Variants in PRMT1 observed in about 807,000 individuals in gnomAD.
PRMT1 encodes protein arginine methyltransferase 1.
A neutral mutation model predicts 47.4 loss-of-function variants in PRMT1; 5 were observed. That is an observed-to-expected ratio of 0.11 (90% CI 0.06 to 0.22). The LOEUF is 0.22. Among genes scored for constraint, PRMT1 ranks in the 10% least tolerant of loss-of-function variants. The pLI is 1.00. For missense variants in PRMT1, 249 were observed against 518.4 expected, an observed-to-expected ratio of 0.48 and a Z score of 5.05; for synonymous variants, 227 against 204.6, an observed-to-expected ratio of 1.11 and a Z score of -0.94.
intron 5 of PRMT1, 105 bp from the exon 6 acceptor site, chr19:49,683,822 A>G (rs7260179): frequency 0.34 from 431,362 of 1,278,112 alleles, 74,987 homozygotes; most frequent in Middle Eastern, 0.49. Flanking sequence ...CTGCTCACGC[A>G]GTTCTCTGAA....
In PRMT1 at chr19:49,685,151, T is replaced by C; in HGVS notation, c.759+114T>C. 1 of 1,562,846 alleles carries C rather than the reference T, an allele frequency of 6.4e-7. No individual in the cohort carries two copies. The highest frequency in any genetic ancestry group is 8.7e-7 in the Non-Finnish European group (1 of 1,154,550). ...AATGTTGGCCTGAGGTCTCAGAGCC[T>C]GATCTGCCAGCCAGAGGTGGTGCTA... On this transcript the variant is annotated intron_variant, in intron 8 of 10. Transcript: ENST00000454376. This position sits in a 1 kb window ranked among gnomAD's most constrained non-coding sequence, Gnocchi z 4.7.
Position 49,684,206 on chromosome 19 carries a change from G to T in PRMT1, c.555+137G>T, listed in dbSNP as rs1028440317. On this transcript the variant is annotated intron_variant, in intron 6 of 10. Transcript: ENST00000454376. This position sits in a 1 kb window ranked among gnomAD's most constrained non-coding sequence, Gnocchi z 6.2. The stretch of plus-strand genomic sequence containing the variant: ...AAGGTGTTAGAAAGCCACAGCCCAA[G>T]CCAGGTGTGACAGACCCTGGAGGGA... 1.3e-5 allele frequency: 16 copies of T among 1,263,034 alleles called. No individual in the cohort carries two copies. The African/African-American group carries it at 2.2e-4, about 18-fold the overall frequency. The allele number at this position is 1,263,034 out of a possible 1,614,324, so 78.2% of individuals were successfully genotyped here.
intron 1 of PRMT1, 181 bp from the exon 2 acceptor site, chr19:49,679,691 C>T (rs2082086771): frequency 3.0e-6 from 2 of 672,066 alleles, no homozygotes; most frequent in African/African-American, 1.8e-5. Context: ...TTCTTCTCCC[C>T]TCACTTTTCC....
At chr19:49,677,223 G>A (rs1241996647), upstream of PRMT1, 4 of 1,396,638 alleles carry the variant, frequency 2.9e-6, no homozygotes, top group African/African-American at 1.5e-5. Flanking sequence ...GCGGTCCCGG[G>A]GGAGTGAGGA....
At chr19:49,686,344 G>A in intron 9 of PRMT1, 101 bp downstream of exon 9, 1 of 1,429,530 alleles carries the variant, frequency 7.0e-7, no homozygotes, top group Middle Eastern at 2.3e-4. Context: ...GGAACCATGG[G>A]GACACGCGTG....
At position 49,684,587 on chromosome 19, in the gene PRMT1, TG is replaced by T. The variant is rs1032694066; in HGVS notation, c.556-164del. Among the ~76,000 whole-genome samples, 1 of 152,010 alleles carries T rather than the reference TG, an allele frequency of 6.6e-6. No homozygotes were observed. Among genetic ancestry groups the T allele is most frequent in the Non-Finnish European group, 1.5e-5 (1 of 67,970 alleles). On this transcript the variant is annotated intron_variant, in intron 6 of 10. Transcript: ENST00000454376. The surrounding 1 kb of genome is among the most constrained non-coding windows in gnomAD (Gnocchi z 6.2). ...GGCCGGGAGCTGACTGGGGTGCCCCTGGGTGCCCTCTGGCGGCCGTGTGGGA... is the reference window on the plus strand; with the variant it reads ...GGCCGGGAGCTGACTGGGGTGCCCCTGGTGCCCTCTGGCGGCCGTGTGGGA...
At position 49,685,055 on chromosome 19, in the gene PRMT1, G is replaced by C; in HGVS notation, c.759+18G>C. 2 of 1,614,082 alleles carry C rather than the reference G, an allele frequency of 1.2e-6. No individual in the cohort carries two copies. Among genetic ancestry groups the C allele is most frequent in the Non-Finnish European group, 1.7e-6 (2 of 1,179,976 alleles). ...TCATAAAGGTGAGGGGGTGGGCATG[G>C]CCAGGTGCCCCCTGGGTTGAAACCA... On this transcript the variant is annotated intron_variant, in intron 8 of 10. Transcript: ENST00000454376. This position sits in a 1 kb window ranked among gnomAD's most constrained non-coding sequence, Gnocchi z 4.7.
At position 49,686,740 on chromosome 19, in the gene PRMT1, C is replaced by T. The variant is rs780845849; in HGVS notation, c.1032+14C>T. On this transcript the variant is annotated intron_variant, in intron 10 of 10. Transcript: ENST00000454376. ...GCCAAGAACAACGTGAGGCTCCGGG[C>T]AGCTGGGTGGGAGGGTGGCAGCTAG... 6.6e-7 allele frequency: 1 copy of T among 1,525,764 alleles called. No homozygotes were observed. Among genetic ancestry groups the T allele is most frequent in the African/African-American group, 1.4e-5 (1 of 70,742 alleles). 94.5% of individuals were successfully genotyped at this position (1,525,764 alleles called of 1,614,324 possible).
intron 9 of PRMT1, 23 bp from the exon 10 acceptor site, chr19:49,686,582 G>A (rs369833416): frequency 4.7e-5 from 76 of 1,605,280 alleles, no homozygotes; most frequent in Admixed American, 1.2e-4. Flanking sequence ...GGCCGAGGCC[G>A]GCTGACCCGC....
upstream of PRMT1, chr19:49,676,998 C>G (rs1175201687): frequency 5.3e-6 from 2 of 374,154 alleles, no homozygotes; most frequent in Non-Finnish European, 9.5e-6. Context: ...GCCCAATCAC[C>G]AGTCGCGCTT....
intron 1 of PRMT1, 77 bp downstream of exon 1, chr19:49,677,393 C>A: frequency 7.8e-7 from 1 of 1,282,932 alleles, no homozygotes. Context: ...GGGGAAAGGG[C>A]TCTAAGTTGG....
chr19:49,676,592 G>C (rs1226764266), upstream of PRMT1, among the ~76,000 whole-genome samples: 2 of 152,202 alleles, frequency 1.3e-5, no homozygotes, highest in East Asian at 1.9e-4. Flanking sequence ...CGGGACCCCA[G>C]CTATGCCCTT....
upstream of PRMT1, chr19:49,677,039 C>G (rs537540465): frequency 5.0e-6 from 2 of 396,252 alleles, no homozygotes; most frequent in East Asian, 3.6e-5. Context: ...TTCCCCATCC[C>G]GGGTCGACTT....
intron 5 of PRMT1, chr19:49,683,621 G>C: frequency 4.2e-6 from 1 of 238,648 alleles, no homozygotes; most frequent in African/African-American, 2.3e-5. Context: ...CCGGGAGGCG[G>C]AGGTTGCAGT....
In PRMT1 at chr19:49,680,358, C is replaced by A; in HGVS notation, c.91-129C>A. The A allele has an allele frequency of 1.9e-6, 2 of 1,079,194 alleles. No individual in the cohort carries two copies. The highest frequency in any genetic ancestry group is 1.4e-6 in the Non-Finnish European group (1 of 716,672). 66.9% of individuals were successfully genotyped at this position (1,079,194 alleles called of 1,614,324 possible). A position where few individuals can be genotyped will look rare whatever the true frequency, so the allele number is the denominator to read the frequency against. On this transcript the variant is annotated intron_variant, in intron 2 of 10. Transcript: ENST00000454376. The surrounding 1 kb of genome is among the most constrained non-coding windows in gnomAD (Gnocchi z 4.2). ...GGGGGGGCAAGATGGCAGGCGGGGG[C>A]TGTAGGGTTGTCATGGTATGATTTT...
intron 1 of PRMT1, among the ~76,000 whole-genome samples, chr19:49,677,811 G>T (rs2082059939): frequency 6.6e-6 from 1 of 152,132 alleles, no homozygotes; most frequent in Non-Finnish European, 1.5e-5. Context: ...CTCTTGGGAG[G>T]AGCAGTGCTT....
chr19:49,684,889 G>A lies in PRMT1; in HGVS notation c.644-33G>A. 3 of 1,608,150 alleles carry A rather than the reference G, an allele frequency of 1.9e-6. No homozygotes were observed. The highest frequency in any genetic ancestry group is 2.6e-6 in the Non-Finnish European group (3 of 1,176,016). ...CGGGCGGGGCCTCGGGTGGGCTGCT[G>A]CGGGCTCACCCCCTCCCTGCCTGCC... On this transcript the variant is annotated intron_variant, in intron 7 of 10. Transcript: ENST00000454376. The surrounding 1 kb of genome is among the most constrained non-coding windows in gnomAD (Gnocchi z 6.2).
In PRMT1 at chr19:49,685,394, G is replaced by A. The variant is rs1402844584; in HGVS notation, c.759+357G>A. 8.2e-7 allele frequency: 1 copy of A among 1,224,996 alleles called. No homozygotes were observed. Among genetic ancestry groups the A allele is most frequent in the South Asian group, 1.6e-5 (1 of 61,064 alleles). 75.9% of individuals were successfully genotyped at this position (1,224,996 alleles called of 1,614,324 possible). A position where few individuals can be genotyped will look rare whatever the true frequency, so the allele number is the denominator to read the frequency against. ...ACGGGGCCAGGCTGGGCTCCGAGAT[G>A]TGCCTGAGGTCCCAGCTACTCGGGA... is the stretch of plus-strand genomic sequence containing the variant. On this transcript the variant is annotated intron_variant, in intron 8 of 10. Coordinates refer to ENST00000454376, the MANE Select transcript of PRMT1 (RefSeq NM_001536.6). This position sits in a 1 kb window ranked among gnomAD's most constrained non-coding sequence, Gnocchi z 4.7.
chr19:49,680,138 A>AC lies in PRMT1; in HGVS notation c.90+219dup, dbSNP rs1339056249. ...CGCTACTTCCTTAACTCCACCTCCA[A>AC]CCCCCCTTTGCCCTTCCCTGTGTCT... is the stretch of plus-strand genomic sequence containing the variant. On this transcript the variant is annotated intron_variant, in intron 2 of 10. Coordinates refer to ENST00000454376, the MANE Select transcript of PRMT1 (RefSeq NM_001536.6). The surrounding 1 kb of genome is among the most constrained non-coding windows in gnomAD (Gnocchi z 4.2). 8 of 1,272,212 alleles carry AC rather than the reference A, an allele frequency of 6.3e-6. No homozygotes were observed. Among genetic ancestry groups the AC allele is most frequent in the South Asian group, 5.1e-5 (4 of 78,008 alleles). 78.8% of individuals were successfully genotyped at this position (1,272,212 alleles called of 1,614,324 possible). A position where few individuals can be genotyped will look rare whatever the true frequency, so the allele number is the denominator to read the frequency against.
Sources: gnomAD v4.1 joint callset for allele counts (sites outside exome capture counted in the v4.1 genomes callset) on GRCh38, gnomAD v4.1.1 for gene constraint, Gnocchi (gnomAD v3.1) non-coding constraint, MANE v1.5 for transcripts, NCBI Gene and HGNC (gene_info 2026-07-23, HGNC 2026-07-21) for gene names.